VDR: variants seen among roughly 807,000 people sequenced by gnomAD.
VDR encodes vitamin D3 receptor.
Under a neutral mutation model 39.7 loss-of-function variants are expected in VDR, and 19 were observed. The ratio of observed to expected loss-of-function variants is 0.48; its 90% CI spans 0.33 to 0.70. The LOEUF is 0.70. Ranked by LOEUF, VDR falls within the 30% of genes least tolerant of loss-of-function variation. VDR has a pLI of 0.02. For synonymous variants in VDR, 242 were observed against 215.8 expected, an observed-to-expected ratio of 1.12 and a Z score of -1.07; for missense variants, 442 against 570.5, an observed-to-expected ratio of 0.77 and a Z score of 2.29.
intron 3 of VDR, among the ~76,000 whole-genome samples, chr12:47,870,156 G>T (rs984043791): frequency 1.3e-5 from 2 of 152,192 alleles, no homozygotes; most frequent in African/African-American, 4.8e-5. Flanking sequence ...TGTTTGCTGG[G>T]CCACAGATCC....
At chr12:47,899,314 C>T (rs11168291) in intron 1 of VDR, among the ~76,000 whole-genome samples, 1,634 of 152,228 alleles carry the variant, frequency 0.011, 38 homozygotes, top group African/African-American at 0.037. Flanking sequence ...CCTGGCACAC[C>T]GTAGGCTCTT....
In VDR at chr12:47,879,132, C is replaced by T. The variant is rs1396130056; in HGVS notation, c.-2-17G>A. ...CCTCCATCCCTGTAAGAACAGCAAG[C>T]AGGCCACGGTCAGAGCCAGAGTCAG... On this transcript the variant is annotated splice_polypyrimidine_tract_variant and intron_variant, in intron 2 of 9. Transcript: ENST00000549336. 1 of 1,612,582 alleles carries T rather than the reference C, an allele frequency of 6.2e-7. No homozygotes were observed.
At chr12:47,903,807 G>C (rs777209919) in intron 1 of VDR, among the ~76,000 whole-genome samples, 1 of 152,194 alleles carries the variant, frequency 6.6e-6, no homozygotes, top group Non-Finnish European at 1.5e-5. Context: ...CCAGGAGAAA[G>C]ATGAGATGTA....
At chr12:47,857,817 C>T (rs373023178) in intron 4 of VDR, 129 bp from the exon 5 acceptor site, 56 of 1,004,458 alleles carry the variant, frequency 5.6e-5, no homozygotes, top group East Asian at 4.2e-4. Context: ...GGGGGTCCTC[C>T]TGCCACGGAG....
At chr12:47,888,249 C>T (rs939637820) in intron 1 of VDR, among the ~76,000 whole-genome samples, 1 of 152,196 alleles carries the variant, frequency 6.6e-6, no homozygotes, top group African/African-American at 2.4e-5. Flanking sequence ...TTACCTCCCC[C>T]TGGGTCCCTC....
intron 1 of VDR, among the ~76,000 whole-genome samples, chr12:47,893,537 G>A (rs951022083): frequency 6.6e-6 from 1 of 152,180 alleles, no homozygotes; most frequent in African/African-American, 2.4e-5. Context: ...TGGAAGGGAG[G>A]TTAGTGAACA....
chr12:47,860,919 A>G (rs373315596), intron 4 of VDR, among the ~76,000 whole-genome samples: 6 of 152,368 alleles, frequency 3.9e-5, no homozygotes, highest in East Asian at 1.9e-4. Flanking sequence ...TTCTATCTAT[A>G]AGGCACTATT....
At chr12:47,868,894 C>T (rs553119888) in intron 3 of VDR, among the ~76,000 whole-genome samples, 1 of 152,254 alleles carries the variant, frequency 6.6e-6, no homozygotes, top group East Asian at 1.9e-4. Context: ...CCATGGGCAC[C>T]AAGAAGACAG....
chr12:47,883,198 ATG>A (rs1245254404), intron 1 of VDR, among the ~76,000 whole-genome samples: 1 of 152,180 alleles, frequency 6.6e-6, no homozygotes, highest in Non-Finnish European at 1.5e-5. Flanking sequence ...CAACTGGGCC[ATG>A]TGTCCTGCTG....
At chr12:47,876,644 CTCTGTCAG>C (rs1408995020) in intron 3 of VDR, among the ~76,000 whole-genome samples, 1 of 152,258 alleles carries the variant, frequency 6.6e-6, no homozygotes, top group Non-Finnish European at 1.5e-5. Flanking sequence ...AACACAGCCA[CTCTGTCAG>C]TCTGTGGTGA....
At chr12:47,882,623 G>GCCCCCCCCCCCCCCCCCCCCC in intron 2 of VDR, 71 bp downstream of exon 2, 4 of 543,270 alleles carry the variant, frequency 7.4e-6, no homozygotes, top group Non-Finnish European at 1.3e-5. Context: ...ACCTTCTTAT[G>GCCCCCCCCCCCCCCCCCCCCC]CCCCTCCCCC....
In VDR at chr12:47,842,623, A is replaced by ATTTTTTTTTTTTTT. The variant is rs17878969; in HGVS notation, c.*2109_*2122dup. On this transcript the variant is annotated 3_prime_UTR_variant, in exon 10 of 10. Transcript: ENST00000549336. The stretch of plus-strand genomic sequence containing the variant: ...CAGGCTTGCGCCACCATGCCCGGCT[A>ATTTTTTTTTTTTTT]TTTTTTTTTTTTTTTTTTTTGTATT... The ATTTTTTTTTTTTTT allele has an allele frequency of 3.1e-5, 4 of 131,070 alleles. No homozygotes were observed. The highest frequency in any genetic ancestry group is 2.3e-4 in the East Asian group (1 of 4,258). 8.1% of individuals were successfully genotyped at this position (131,070 alleles called of 1,614,324 possible).
At chr12:47,849,093 C>T (rs1457406795) in intron 7 of VDR, among the ~76,000 whole-genome samples, 2 of 152,166 alleles carry the variant, frequency 1.3e-5, no homozygotes, top group Non-Finnish European at 2.9e-5. Flanking sequence ...TTGCTTCTGG[C>T]TTTTACTCCC....
chr12:47,880,859 T>TTTATA (rs1461512822), intron 2 of VDR, among the ~76,000 whole-genome samples: 10 of 142,772 alleles, frequency 7.0e-5, no homozygotes, highest in African/African-American at 1.6e-4. Flanking sequence ...TAAATACATA[T>TTTATA]TAATATATAT....
rs764513667 is a variant in VDR at position 47,844,893 on chromosome 12, G to C, written c.1137C>G (p.Leu379=). The part of the protein sequence containing the change: ...CRHPPPGSHL[L]YAKMIQKLAD... Reference sequence around the variant, plus strand: ...CTAGCTTCTGGATCATCTTGGCATAGAGCAGGTGGCTGCCCGGGGGCGGGT... The same window carrying C: ...CTAGCTTCTGGATCATCTTGGCATACAGCAGGTGGCTGCCCGGGGGCGGGT... Residue 379 remains leucine (L), a synonymous_variant, in exon 10 of 10, where the codon CTC becomes CTG. Coordinates refer to ENST00000549336, the MANE Select transcript of VDR (RefSeq NM_000376.3). 8.7e-6 allele frequency: 14 copies of C among 1,614,208 alleles called. No individual in the cohort carries two copies. The highest frequency in any genetic ancestry group is 1.6e-4 in the Middle Eastern group (1 of 6,062).
chr12:47,865,266 G>C, intron 3 of VDR, 89 bp from the exon 4 acceptor site: 3 of 1,584,264 alleles, frequency 1.9e-6, no homozygotes, highest in Non-Finnish European at 2.6e-6. Context: ...TGGGCCCCCT[G>C]GTCTCCATTT....
At chr12:47,894,822 CA>C (rs1320950436) in intron 1 of VDR, among the ~76,000 whole-genome samples, 2 of 152,166 alleles carry the variant, frequency 1.3e-5, no homozygotes, top group African/African-American at 4.8e-5. Flanking sequence ...TTGCTGGCAC[CA>C]GATTTTATAG....
intron 7 of VDR, among the ~76,000 whole-genome samples, chr12:47,855,376 C>T (rs888581397): frequency 5.1e-5 from 7 of 137,358 alleles, no homozygotes; most frequent in East Asian, 2.0e-4. Context: ...ATAAATTAGC[C>T]GGGCGTGGTG....
At chr12:47,854,761 G>A (rs373635514) in intron 7 of VDR, among the ~76,000 whole-genome samples, 6 of 152,394 alleles carry the variant, frequency 3.9e-5, no homozygotes, top group East Asian at 1.9e-4. Context: ...TCCAGAAAGT[G>A]CGGGGATGGA....
Sources: gnomAD v4.1 joint callset for allele counts (sites outside exome capture counted in the v4.1 genomes callset) on GRCh38, gnomAD v4.1.1 for gene constraint, MANE v1.5 for transcripts, NCBI Gene and HGNC (gene_info 2026-07-23, HGNC 2026-07-21) for gene names.